The following PDE3B variants were observed in gnomAD, a reference collection of about 807,000 sequenced individuals.
PDE3B encodes phosphodiesterase 3B.
PDE3B carries 66 observed loss-of-function variants against 116.8 expected under a neutral mutation model. That is an observed-to-expected ratio of 0.56 (90% CI 0.46 to 0.69). The LOEUF is 0.69. Ranked by LOEUF, PDE3B falls within the 30% of genes least tolerant of loss-of-function variation. The pLI is 0.00. For missense variants in PDE3B, 1,384 were observed against 1,368.1 expected (o/e 1.01, Z -0.18); for synonymous variants, 595 against 533.6 (o/e 1.12, Z -1.59).
At chr11:14,861,176 C>T (rs1301877844) in intron 13 of PDE3B, 29 bp from the exon 14 acceptor site, 1 of 1,572,234 alleles carries the variant, frequency 6.4e-7, no homozygotes, top group Non-Finnish European at 8.7e-7. Context: ...GCCTTCAGAA[C>T]CTAAAATGAT....
At chr11:14,772,522 A>AT (rs1164547631) in intron 2 of PDE3B, 1 of 152,006 alleles carries the variant, frequency 6.6e-6, no homozygotes, top group African/African-American at 2.4e-5. Flanking sequence ...ATGAAGAAAT[A>AT]GAATGTTTCC....
chr11:14,866,980 T>C (rs1848058471), intron 14 of PDE3B, among the ~76,000 whole-genome samples: 1 of 151,718 alleles, frequency 6.6e-6, no homozygotes, highest in Non-Finnish European at 1.5e-5. Context: ...AGCCCCAGGA[T>C]CCTCACCTCA....
chr11:14,843,706 TCTTA>T (rs758572407), intron 11 of PDE3B, 117 bp from the exon 12 acceptor site: 4 of 721,596 alleles, frequency 5.5e-6, no homozygotes, highest in African/African-American at 3.5e-5. Context: ...AGATTTTAGT[TCTTA>T]CTTAAATCAG....
chr11:14,697,777 T>C (rs1855253810), intron 1 of PDE3B, among the ~76,000 whole-genome samples: 1 of 152,140 alleles, frequency 6.6e-6, no homozygotes, highest in African/African-American at 2.4e-5. Context: ...TTTTCAGTTG[T>C]AGATGTCTTT....
At chr11:14,733,070 C>T (rs1856504139) in intron 1 of PDE3B, among the ~76,000 whole-genome samples, 1 of 152,108 alleles carries the variant, frequency 6.6e-6, no homozygotes, top group Non-Finnish European at 1.5e-5. Flanking sequence ...ATTTTTTGAA[C>T]AGTAGTATGC....
chr11:14,747,728 AAATT>A (rs1474015819), intron 1 of PDE3B, among the ~76,000 whole-genome samples: 20 of 152,298 alleles, frequency 1.3e-4, no homozygotes, highest in Non-Finnish European at 1.3e-4. Flanking sequence ...AATGGCTTAA[AAATT>A]AATTCATTTA....
intron 1 of PDE3B, among the ~76,000 whole-genome samples, chr11:14,654,966 C>T (rs1174884884): frequency 6.8e-3 from 1 of 148 alleles, no homozygotes; most frequent in Admixed American, 0.062. Context: ...AAAAAGGAAA[C>T]CTAGGCGAAC....
intron 7 of PDE3B, among the ~76,000 whole-genome samples, chr11:14,825,766 A>G (rs1315681376): frequency 1.3e-5 from 2 of 152,194 alleles, no homozygotes; most frequent in African/African-American, 2.4e-5. Flanking sequence ...CCTGAACTCA[A>G]TATGGGACCA....
chr11:14,881,265 G>A, the PDE3B span, among the ~76,000 whole-genome samples: 1 of 152,070 alleles, frequency 6.6e-6, no homozygotes, highest in Non-Finnish European at 1.5e-5. Flanking sequence ...TATGACAGGG[G>A]TAAGGGTACT....
chr11:14,818,360 A>G lies in PDE3B; in HGVS notation c.1700A>G (p.Gln567Arg). 1 of 1,612,440 alleles carries G rather than the reference A, an allele frequency of 6.2e-7. No individual in the cohort carries two copies. The highest frequency in any genetic ancestry group is 1.7e-4 in the Middle Eastern group (1 of 6,056). ...NAPNTPDFYQ[Q>R]LRNSDSNLCN... is the part of the protein sequence containing the mutation. ...CCTAATACTCCAGATTTTTATCAGC[A>G]ACTTAGAAATTCTGATAGCAATCTG... The change falls in exon 6 of 16, where the codon CAA becomes CGA. Residue 567 changes from glutamine to arginine, a missense_variant. Gln to Arg is a conservative substitution (Grantham distance 43). Around this residue, in one of 2 missense-constraint regions of PDE3B, gnomAD observed 956 missense variants for 806.8 expected, o/e 1.18. Coordinates refer to ENST00000282096, the MANE Select transcript of PDE3B (RefSeq NM_000922.4).
chr11:14,850,525 C>T (rs1345777391), intron 12 of PDE3B, among the ~76,000 whole-genome samples: 1 of 152,008 alleles, frequency 6.6e-6, no homozygotes, highest in Non-Finnish European at 1.5e-5. Flanking sequence ...TCTGCTCCTC[C>T]TATTTAGGCC....
At chr11:14,744,493 A>C (rs1856853104) in intron 1 of PDE3B, among the ~76,000 whole-genome samples, 1 of 152,122 alleles carries the variant, frequency 6.6e-6, no homozygotes, top group African/African-American at 2.4e-5. Context: ...TCATTGTCAA[A>C]GTTTTGTACT....
chr11:14,731,895 A>G (rs1249842135), intron 1 of PDE3B, among the ~76,000 whole-genome samples: 1 of 152,218 alleles, frequency 6.6e-6, no homozygotes, highest in Non-Finnish European at 1.5e-5. Context: ...AGTAGAAAAT[A>G]AATGTAAAAA....
At chr11:14,727,707 A>G (rs1856349111) in intron 1 of PDE3B, among the ~76,000 whole-genome samples, 1 of 152,162 alleles carries the variant, frequency 6.6e-6, no homozygotes, top group Non-Finnish European at 1.5e-5. Context: ...ATGGAATAAA[A>G]ATCTGCTAAT....
chr11:14,842,790 G>T (rs896493567), intron 11 of PDE3B, among the ~76,000 whole-genome samples: 3 of 152,086 alleles, frequency 2.0e-5, no homozygotes, highest in Non-Finnish European at 4.4e-5. Flanking sequence ...TCTAGTGTGG[G>T]CTATTCCAAA....
At chr11:14,890,678 C>T in the PDE3B span, 43 of 244,802 alleles carry the variant, frequency 1.8e-4, 1 homozygote, top group East Asian at 7.4e-4. Context: ...TCCCGAATAG[C>T]TGGGACTACA....
At chr11:14,855,076 G>C (rs959880747) in intron 12 of PDE3B, among the ~76,000 whole-genome samples, 5 of 152,022 alleles carry the variant, frequency 3.3e-5, no homozygotes, top group Admixed American at 2.0e-4. Flanking sequence ...TATTACTGCA[G>C]GAAATTTTAA....
At chr11:14,882,546 A>G in the PDE3B span, among the ~76,000 whole-genome samples, 1 of 152,164 alleles carries the variant, frequency 6.6e-6, no homozygotes, top group Non-Finnish European at 1.5e-5. Context: ...CCTGGGCATG[A>G]CACTGGGCTC....
At chr11:14,810,246 C>G (rs1186643690) in intron 5 of PDE3B, among the ~76,000 whole-genome samples, 1 of 151,710 alleles carries the variant, frequency 6.6e-6, no homozygotes, top group Non-Finnish European at 1.5e-5. Context: ...ATACATGTGC[C>G]ATGCTGGTGC....
Sources: allele counts gnomAD v4.1 joint callset (sites outside exome capture counted in the v4.1 genomes callset), GRCh38; gene constraint gnomAD v4.1.1; regional missense constraint gnomAD v4.1.1; transcripts MANE v1.5; gene names NCBI Gene and HGNC (gene_info 2026-07-23, HGNC 2026-07-21).